The following FSTL5 variants were observed in gnomAD, a reference collection of about 807,000 sequenced individuals.
FSTL5 encodes follistatin-related protein 5.
Under a neutral mutation model 89.1 loss-of-function variants are expected in FSTL5, and 62 were observed. The ratio of observed to expected loss-of-function variants is 0.70; its 90% CI spans 0.57 to 0.86. The LOEUF is 0.86. FSTL5 is among the 40% of genes least tolerant of loss of function. The pLI is 0.00. For synonymous variants in FSTL5, 383 were observed against 346.2 expected, an observed-to-expected ratio of 1.11 and a Z score of -1.18; for missense variants, 1,057 against 1,001.6, an observed-to-expected ratio of 1.06 and a Z score of -0.75.
At chr4:161,616,872 A>C (rs996393683) in intron 7 of FSTL5, among the ~76,000 whole-genome samples, 2 of 151,236 alleles carry the variant, frequency 1.3e-5, no homozygotes, top group Non-Finnish European at 2.9e-5. Flanking sequence ...TAAATAAAAT[A>C]AAAAAACAAA....
chr4:161,549,663 G>C (rs1732133155), intron 8 of FSTL5, among the ~76,000 whole-genome samples: 1 of 151,830 alleles, frequency 6.6e-6, no homozygotes, highest in Non-Finnish European at 1.5e-5. Context: ...TGTCAAAAAA[G>C]TTTCTGCAGG....
At chr4:161,415,087 G>C (rs1214776461) in intron 15 of FSTL5, among the ~76,000 whole-genome samples, 1 of 152,050 alleles carries the variant, frequency 6.6e-6, no homozygotes, top group African/African-American at 2.4e-5. Flanking sequence ...ACGATGTCAA[G>C]AAAATACATT....
chr4:161,705,448 A>G (rs1738535028), intron 6 of FSTL5, among the ~76,000 whole-genome samples: 1 of 152,158 alleles, frequency 6.6e-6, no homozygotes, highest in African/African-American at 2.4e-5. Context: ...GAGGAAAAAT[A>G]TGTCCTTAGT....
At position 161,468,468 on chromosome 4, in the gene FSTL5, G is replaced by C. The variant is rs549538006; in HGVS notation, c.1609-9149C>G. ...GAATTATAGCAGCAGGTCTACACTG[G>C]CTTTTTAGATTGCTGCCCGCAAGCA... On this transcript the variant is annotated intron_variant, in intron 13 of 15. Transcript: ENST00000306100. Among the ~76,000 whole-genome samples the C allele has an allele frequency of 2.0e-4, 31 of 151,304 alleles. No homozygotes were observed. The South Asian group carries it at 5.8e-3, about 28-fold the overall frequency.
intron 2 of FSTL5, among the ~76,000 whole-genome samples, chr4:162,062,431 T>C (rs947992999): frequency 6.6e-6 from 1 of 151,868 alleles, no homozygotes; most frequent in African/African-American, 2.4e-5. Context: ...TGAAAATAAA[T>C]TAAAATAAGT....
chr4:162,072,130 G>T (rs1729650740), intron 2 of FSTL5, among the ~76,000 whole-genome samples: 1 of 151,582 alleles, frequency 6.6e-6, no homozygotes. Flanking sequence ...CAAATGGCAG[G>T]CATATATAAT....
At chr4:162,161,286 T>C (rs921323915) in intron 1 of FSTL5, among the ~76,000 whole-genome samples, 27 of 151,960 alleles carry the variant, frequency 1.8e-4, no homozygotes, top group African/African-American at 6.3e-4. Flanking sequence ...GCCACCACAT[T>C]TGAATATCTT....
chr4:161,982,108 C>A (rs769135696), intron 3 of FSTL5, among the ~76,000 whole-genome samples: 19 of 152,120 alleles, frequency 1.2e-4, no homozygotes, highest in Non-Finnish European at 2.6e-4. Flanking sequence ...AGAGCTACAG[C>A]AACTTACTTG....
At chr4:161,619,165 C>A (rs537311508) in intron 7 of FSTL5, among the ~76,000 whole-genome samples, 1 of 152,246 alleles carries the variant, frequency 6.6e-6, no homozygotes, top group African/African-American at 2.4e-5. Flanking sequence ...GGATCCCATC[C>A]TTACACCTTA....
intron 6 of FSTL5, among the ~76,000 whole-genome samples, chr4:161,710,723 T>C (rs917494124): frequency 1.3e-5 from 2 of 152,156 alleles, no homozygotes; most frequent in Non-Finnish European, 2.9e-5. Flanking sequence ...GTTCCCATCA[T>C]TGTGGGGGAA....
chr4:161,535,250 G>A lies in FSTL5; in HGVS notation c.1312+2916C>T, dbSNP rs567201796. On this transcript the variant is annotated intron_variant, in intron 10 of 15. Coordinates refer to ENST00000306100, the MANE Select transcript of FSTL5 (RefSeq NM_020116.5). The stretch of plus-strand genomic sequence containing the variant: ...CTAAGAAGTGCCTAATTAAACTAAA[G>A]AGCTTCTGTACAGCAAAAGAAATTA... Among the ~76,000 whole-genome samples the A allele has an allele frequency of 5.9e-5, 9 of 152,136 alleles. No individual in the cohort carries two copies. The South Asian group carries it at 1.2e-3, about 21-fold the overall frequency.
intron 1 of FSTL5, among the ~76,000 whole-genome samples, chr4:162,143,635 C>A (rs1732837133): frequency 6.6e-6 from 1 of 151,790 alleles, no homozygotes; most frequent in East Asian, 1.9e-4. Context: ...GCATCTGGAT[C>A]TTTAAATCAT....
chr4:161,414,486 C>A (rs765543574), intron 15 of FSTL5, among the ~76,000 whole-genome samples: 4 of 152,104 alleles, frequency 2.6e-5, no homozygotes, highest in Non-Finnish European at 5.9e-5. Context: ...AGTCTACCAG[C>A]GTCAGAGGGT....
chr4:161,458,580 C>T (rs1051719359), intron 14 of FSTL5, among the ~76,000 whole-genome samples: 3 of 152,116 alleles, frequency 2.0e-5, no homozygotes, highest in African/African-American at 4.8e-5. Flanking sequence ...GTAGCAAAAT[C>T]GCAAAGCATT....
chr4:161,437,220 C>A (rs185818828), intron 15 of FSTL5, among the ~76,000 whole-genome samples: 1 of 151,754 alleles, frequency 6.6e-6, no homozygotes, highest in Non-Finnish European at 1.5e-5. Flanking sequence ...GAGATCACTG[C>A]GGGTTTGACA....
intron 7 of FSTL5, among the ~76,000 whole-genome samples, chr4:161,639,129 G>T (rs937000890): frequency 4.6e-5 from 7 of 152,000 alleles, no homozygotes; most frequent in African/African-American, 1.5e-4. Context: ...ATTCAACATA[G>T]TGTTGGAATT....
chr4:161,412,280 T>A (rs1731618540), intron 15 of FSTL5, among the ~76,000 whole-genome samples: 1 of 152,116 alleles, frequency 6.6e-6, no homozygotes, highest in Non-Finnish European at 1.5e-5. Context: ...ATTTTACAAA[T>A]GCAATGCCAT....
intron 2 of FSTL5, among the ~76,000 whole-genome samples, chr4:162,062,593 C>T (rs1738756177): frequency 6.6e-6 from 1 of 151,384 alleles, no homozygotes; most frequent in African/African-American, 2.4e-5. Flanking sequence ...CCATATAGAA[C>T]ATCTTCTAAA....
At chr4:161,980,050 A>AGAAG (rs1735771381) in intron 3 of FSTL5, among the ~76,000 whole-genome samples, 2 of 150,534 alleles carry the variant, frequency 1.3e-5, no homozygotes, top group African/African-American at 4.9e-5. Flanking sequence ...AATGAAGGAA[A>AGAAG]GAAAGAGAAA....
Sources: allele counts gnomAD v4.1 joint callset (sites outside exome capture counted in the v4.1 genomes callset), GRCh38; gene constraint gnomAD v4.1.1; transcripts MANE v1.5; gene names NCBI Gene and HGNC (gene_info 2026-07-23, HGNC 2026-07-21).